The following SORCS1 variants were observed in gnomAD, a reference collection of about 807,000 sequenced individuals.
SORCS1 encodes the protein sortilin related VPS10 domain containing receptor 1, also known as VPS10 domain-containing receptor SorCS1.
SORCS1 carries 60 observed loss-of-function variants against 146.1 expected under a neutral mutation model. The ratio of observed to expected loss-of-function variants is 0.41; its 90% confidence interval spans 0.33 to 0.51. The LOEUF is 0.51. Ranked by LOEUF, SORCS1 falls within the 20% of genes least tolerant of loss-of-function variation. The probability of loss-of-function intolerance (pLI) is 0.21; values close to 1 mark genes in which losing one functional copy is unlikely to be tolerated. For missense variants in SORCS1, 1,352 were observed against 1,487.6 expected, an observed-to-expected ratio of 0.91 and a Z score of 1.50; for synonymous variants, 637 against 584.0, an observed-to-expected ratio of 1.09 and a Z score of -1.31.
chr10:107,024,548 C>T (rs1958310187), intron 1 of SORCS1, among the ~76,000 whole-genome samples: 1 of 152,148 alleles, frequency 6.6e-6, no homozygotes, highest in Non-Finnish European at 1.5e-5. Context: ...GGTAGAAATA[C>T]AGAATTCCAT....
intron 2 of SORCS1, among the ~76,000 whole-genome samples, chr10:106,887,216 TA>T (rs1425678528): frequency 6.6e-6 from 1 of 152,220 alleles, no homozygotes; most frequent in Non-Finnish European, 1.5e-5. Flanking sequence ...AACAAATTGT[TA>T]AAACTAAGCA....
intron 1 of SORCS1, among the ~76,000 whole-genome samples, chr10:106,980,216 C>T (rs1956193385): frequency 6.6e-6 from 1 of 152,196 alleles, no homozygotes. Context: ...TGTGTCTAAC[C>T]ATTTCCATGG....
At chr10:106,732,302 A>T (rs1283437125) in intron 5 of SORCS1, among the ~76,000 whole-genome samples, 2 of 152,196 alleles carry the variant, frequency 1.3e-5, no homozygotes, top group Non-Finnish European at 2.9e-5. Flanking sequence ...ATCTGCTTGA[A>T]TCCAGGCAGA....
At chr10:106,612,064 G>T in intron 21 of SORCS1, 41 bp from the exon 22 acceptor site, 1 of 1,470,508 alleles carries the variant, frequency 6.8e-7, no homozygotes, top group Non-Finnish European at 9.5e-7. Flanking sequence ...AAGTCAAATA[G>T]TCCTGTCAAG....
chr10:106,875,438 C>G (rs879920073), intron 2 of SORCS1, among the ~76,000 whole-genome samples: 2 of 152,144 alleles, frequency 1.3e-5, no homozygotes, highest in East Asian at 1.9e-4. Context: ...GTTCAGGTAT[C>G]TTGTTCATAT....
At chr10:106,893,052 G>A (rs1014058121) in intron 2 of SORCS1, among the ~76,000 whole-genome samples, 15 of 151,586 alleles carry the variant, frequency 9.9e-5, no homozygotes, top group Middle Eastern at 3.4e-3. Flanking sequence ...CCGCCACCAC[G>A]CCCAGCTAGT....
chr10:106,936,635 T>C (rs994005355), intron 2 of SORCS1, among the ~76,000 whole-genome samples: 3 of 152,216 alleles, frequency 2.0e-5, no homozygotes, highest in African/African-American at 4.8e-5. Flanking sequence ...CTGGCAGAGC[T>C]ACTGTTCAGG....
intron 5 of SORCS1, among the ~76,000 whole-genome samples, chr10:106,744,900 C>T (rs1378715718): frequency 6.6e-6 from 1 of 152,142 alleles, no homozygotes; most frequent in African/African-American, 2.4e-5. Context: ...TGGGTGAGAA[C>T]CCCACCTCCA....
At chr10:106,995,778 G>C (rs918478053) in intron 1 of SORCS1, among the ~76,000 whole-genome samples, 1 of 151,938 alleles carries the variant, frequency 6.6e-6, no homozygotes, top group African/African-American at 2.4e-5. Flanking sequence ...ACAATGCTAA[G>C]TGATAATTTA....
chr10:106,881,621 C>T (rs2152676), intron 2 of SORCS1, among the ~76,000 whole-genome samples: 13,117 of 152,224 alleles, frequency 0.086, 690 homozygotes, highest in South Asian at 0.15. Flanking sequence ...AACCTATTAT[C>T]TATCTACAAC....
At chr10:106,598,843 T>C (rs2133326665) in intron 23 of SORCS1, among the ~76,000 whole-genome samples, 1 of 152,274 alleles carries the variant, frequency 6.6e-6, no homozygotes, top group Non-Finnish European at 1.5e-5. Flanking sequence ...GTGACAGAAC[T>C]GAACTGCCCC....
At chr10:106,986,970 A>T (rs1460850181) in intron 1 of SORCS1, among the ~76,000 whole-genome samples, 7 of 152,136 alleles carry the variant, frequency 4.6e-5, no homozygotes, top group Admixed American at 3.9e-4. Context: ...TCTCTTGGCT[A>T]CTTTTTTCCT....
chr10:106,837,447 A>C (rs928380365), intron 2 of SORCS1, among the ~76,000 whole-genome samples: 49 of 152,088 alleles, frequency 3.2e-4, no homozygotes, highest in African/African-American at 1.1e-3. Context: ...TTTATGAGCT[A>C]TGTTCCCACT....
chr10:107,023,128 T>C (rs1387978188), intron 1 of SORCS1, among the ~76,000 whole-genome samples: 4 of 152,298 alleles, frequency 2.6e-5, no homozygotes, highest in Middle Eastern at 3.4e-3. Flanking sequence ...AGATAATGCA[T>C]GTAAATTGCT....
At chr10:106,721,420 A>G (rs1224188432) in intron 6 of SORCS1, among the ~76,000 whole-genome samples, 1 of 117,556 alleles carries the variant, frequency 8.5e-6, no homozygotes, top group Non-Finnish European at 1.9e-5. Context: ...CATCTTTTCT[A>G]TTCAAAAGAT....
intron 2 of SORCS1, among the ~76,000 whole-genome samples, chr10:106,856,545 G>C (rs989673487): frequency 2.0e-5 from 3 of 152,184 alleles, no homozygotes; most frequent in Non-Finnish European, 1.5e-5. Context: ...AGTTTCTCCT[G>C]AGGGCAGGTC....
At chr10:106,582,915 C>T (rs1460803334) in intron 24 of SORCS1, among the ~76,000 whole-genome samples, 4 of 152,122 alleles carry the variant, frequency 2.6e-5, no homozygotes, top group African/African-American at 4.8e-5. Flanking sequence ...GTGATTGCCA[C>T]GTAGTAAGTG....
Position 106,849,231 on chromosome 10 carries a change from T to C in SORCS1, c.627-19558A>G, listed in dbSNP as rs984424307. On this transcript the variant is annotated intron_variant, in intron 2 of 25. Transcript: ENST00000263054. ...ATCACTTTCAGGTACACCAATCAGA[T>C]GTAGATTTGGTCTTTTCACATAGTC... is the stretch of plus-strand genomic sequence containing the variant. Among the ~76,000 whole-genome samples, 649 of 150,848 alleles carry C rather than the reference T, an allele frequency of 4.3e-3. 5 individuals are homozygous for C. Among genetic ancestry groups the C allele is most frequent in the African/African-American group, 0.015 (603 of 41,078 alleles).
At chr10:106,924,186 G>A (rs965158816) in intron 2 of SORCS1, among the ~76,000 whole-genome samples, 1 of 151,532 alleles carries the variant, frequency 6.6e-6, no homozygotes, top group African/African-American at 2.4e-5. Flanking sequence ...CCCGGGAGGT[G>A]GAGGTTGCAG....
Sources: gnomAD v4.1 joint callset for allele counts (sites outside exome capture counted in the v4.1 genomes callset) on GRCh38, gnomAD v4.1.1 for gene constraint, MANE v1.5 for transcripts, NCBI Gene and HGNC (gene_info 2026-07-23, HGNC 2026-07-21) for gene names.